Variants in HECA observed in about 807,000 individuals in gnomAD.
HECA encodes the protein HECA ribonucleoprotein granule regulator.
A neutral mutation model predicts 37.6 loss-of-function variants in HECA; 13 were observed. The observed-to-expected ratio is 0.35, with a 90% confidence interval of 0.23 to 0.55. The LOEUF (loss-of-function observed/expected upper bound fraction) is 0.55. Among genes scored for constraint, HECA ranks in the 20% least tolerant of loss-of-function variants. The pLI, the probability that HECA is intolerant of heterozygous loss-of-function variation, is 0.90. For missense variants in HECA, 527 were observed against 701.9 expected (o/e 0.75, Z 2.82); for synonymous variants, 307 against 291.5 (o/e 1.05, Z -0.54).
intron 1 of HECA, chr6:139,150,935 A>G (rs1767913355): frequency 1.3e-5 from 2 of 152,240 alleles, no homozygotes; most frequent in Admixed American, 6.5e-5. Flanking sequence ...AGTTGCTTCA[A>G]GTTAGTATAT....
At chr6:139,171,234 A>G (rs1324160953) in intron 2 of HECA, among the ~76,000 whole-genome samples, 1 of 152,206 alleles carries the variant, frequency 6.6e-6, no homozygotes. Flanking sequence ...GAAAAGAGAA[A>G]AAAAAGGAAG....
At chr6:139,172,295 C>T (rs1774985289) in intron 2 of HECA, among the ~76,000 whole-genome samples, 1 of 152,170 alleles carries the variant, frequency 6.6e-6, no homozygotes, top group Non-Finnish European at 1.5e-5. Flanking sequence ...ATTTTCAACT[C>T]CAATAGAAGG....
At chr6:139,168,894 T>G (rs1006389216) in intron 2 of HECA, among the ~76,000 whole-genome samples, 2 of 152,230 alleles carry the variant, frequency 1.3e-5, no homozygotes, top group African/African-American at 2.4e-5. Context: ...AGACATTTCT[T>G]TACTGTCTCC....
Position 139,167,198 on chromosome 6 carries a change from G to A in HECA, c.1186G>A (p.Val396Ile), listed in dbSNP as rs541841684. 4 of 1,614,180 alleles carry A rather than the reference G, an allele frequency of 2.5e-6. No homozygotes were observed. Among genetic ancestry groups the A allele is most frequent in the African/African-American group, 1.3e-5 (1 of 75,040 alleles). Reference protein sequence around the residue: ...AALSASHRNVVNCALCHRALP... With the variant: ...AALSASHRNVINCALCHRALP... ...GCTCAGTGCCAGCCACAGAAACGTG[G>A]TAAACTGTGCCCTGTGCCACCGGGC... The change falls in exon 2 of 4, where the codon GTA (valine) becomes ATA (isoleucine). Residue 396 changes from valine (V) to isoleucine (I), a missense_variant. Coordinates refer to ENST00000367658, the MANE Select transcript of HECA (RefSeq NM_016217.3).
rs1311275013 is a variant in HECA, at chr6:139,176,475, C to T, written c.1468-466C>T. ...GTGAAGATGCAGGGTGCTGGGAACT[C>T]CAGAAGCCTCAGACCAGCACCGCAC... is the stretch of plus-strand genomic sequence containing the variant. On this transcript the variant is annotated intron_variant, in intron 3 of 3. Coordinates refer to ENST00000367658, the MANE Select transcript of HECA (RefSeq NM_016217.3). This position sits in a 1 kb window ranked among gnomAD's most constrained non-coding sequence, Gnocchi z 4.5. 6.6e-6 allele frequency among the ~76,000 whole-genome samples: 1 copy of T among 152,112 alleles called. No homozygotes were observed. The highest frequency in any genetic ancestry group is 2.4e-5 in the African/African-American group (1 of 41,402).
At chr6:139,159,348 A>T (rs1774763404) in intron 1 of HECA, 1 of 152,222 alleles carries the variant, frequency 6.6e-6, no homozygotes, top group African/African-American at 2.4e-5. Flanking sequence ...AGGAATAATC[A>T]GCGATCTAAT....
intron 1 of HECA, among the ~76,000 whole-genome samples, chr6:139,136,502 C>T (rs1039914766): frequency 6.6e-6 from 1 of 152,092 alleles, no homozygotes; most frequent in Non-Finnish European, 1.5e-5. Context: ...TCTTTGAATT[C>T]CTCTAGTCAG....
At chr6:139,151,712 A>G (rs1327584173) in intron 1 of HECA, among the ~76,000 whole-genome samples, 1 of 152,208 alleles carries the variant, frequency 6.6e-6, no homozygotes, top group Non-Finnish European at 1.5e-5. Context: ...GTGCAAAAGT[A>G]ATTTGCGATT....
At chr6:139,169,780 T>C (rs544937934) in intron 2 of HECA, 3 of 152,356 alleles carry the variant, frequency 2.0e-5, no homozygotes, top group Admixed American at 1.3e-4. Context: ...AGAGTCTGTC[T>C]CTAGAGGCTT....
intron 2 of HECA, among the ~76,000 whole-genome samples, chr6:139,172,618 C>G (rs558589575): frequency 2.6e-5 from 4 of 152,240 alleles, no homozygotes; most frequent in Non-Finnish European, 5.9e-5. Flanking sequence ...TTTAGAAATT[C>G]AAAATTCTCT....
At chr6:139,170,550 A>T (rs1774957906) in intron 2 of HECA, 1 of 152,220 alleles carries the variant, frequency 6.6e-6, no homozygotes, top group South Asian at 2.1e-4. Context: ...GTGTTTGTTG[A>T]TGAGGAGGGA....
chr6:139,166,809 G>T lies in HECA; in HGVS notation c.797G>T (p.Gly266Val), dbSNP rs1032927797. 3 of 1,613,666 alleles carry T rather than the reference G, an allele frequency of 1.9e-6. No individual in the cohort carries two copies. Among genetic ancestry groups the T allele is most frequent in the Admixed American group, 3.3e-5 (2 of 59,998 alleles). The change falls in exon 2 of 4, where the codon GGT becomes GTT. Residue 266 changes from glycine to valine, a missense_variant. Coordinates refer to ENST00000367658, the MANE Select transcript of HECA (RefSeq NM_016217.3). ...GCAGCCTACGGTGCCCGTTCCCCCG[G>T]TGGCTCCCCGGGCCAGTCCCCACCC... is the stretch of plus-strand genomic sequence containing the variant. ...GAAAYGARSPGGSPGQSPPTG... is the reference protein window; with the variant it reads ...GAAAYGARSPVGSPGQSPPTG...
chr6:139,151,525 T>C (rs774924702), intron 1 of HECA, among the ~76,000 whole-genome samples: 28 of 152,318 alleles, frequency 1.8e-4, no homozygotes, highest in Non-Finnish European at 1.6e-4. Context: ...ACTGAGAGAA[T>C]GGTGTTTCTT....
In HECA at chr6:139,166,858, T is replaced by C. The variant is rs756990496; in HGVS notation, c.846T>C (p.Pro282=). Residue 282 remains proline, a synonymous_variant, in exon 2 of 4, where the codon CCT becomes CCC. Coordinates refer to ENST00000367658, the MANE Select transcript of HECA (RefSeq NM_016217.3). ...SPPTGYSILS[P]AHFSGPRSSR... The stretch of plus-strand genomic sequence containing the variant: ...CCACGGGCTACTCCATCCTCTCTCC[T>C]GCCCACTTCAGCGGCCCCCGCTCCT... 17 of 1,613,980 alleles carry C rather than the reference T, an allele frequency of 1.1e-5. No homozygotes were observed. The South Asian group carries it at 1.9e-4, about 18-fold the overall frequency.
At chr6:139,163,107 T>G (rs1774830194) in intron 1 of HECA, among the ~76,000 whole-genome samples, 1 of 152,228 alleles carries the variant, frequency 6.6e-6, no homozygotes, top group African/African-American at 2.4e-5. Flanking sequence ...CTGGGACTTT[T>G]CAGGTTTATT....
intron 1 of HECA, among the ~76,000 whole-genome samples, chr6:139,147,002 A>G (rs993231608): frequency 8.5e-5 from 13 of 152,204 alleles, no homozygotes; most frequent in Admixed American, 6.5e-4. Flanking sequence ...AGTGACAGGA[A>G]AAGTGAAGTT....
intron 1 of HECA, among the ~76,000 whole-genome samples, chr6:139,164,080 A>ACACT (rs1554218212): frequency 2.0e-4 from 30 of 148,174 alleles, no homozygotes; most frequent in South Asian, 4.3e-4. Context: ...ACACACACAC[A>ACACT]CTCTCTCTCT....
At position 139,135,631 on chromosome 6, in the gene HECA, G is replaced by C; in HGVS notation, c.235G>C (p.Ala79Pro). ...AGTGAANAAA[A>P]AGAAAAGDAK... is the part of the protein sequence containing the mutation. ...GACTGGCGCCGCGAACGCTGCGGCC[G>C]CCGCGGGGGCTGCGGCCGCGGGCGA... is the stretch of plus-strand genomic sequence containing the variant. Residue 79 changes from alanine to proline, a missense_variant, in exon 1 of 4, where the codon GCC (alanine) becomes CCC (proline). Ala to Pro is a conservative substitution (Grantham distance 27, BLOSUM62 -1). Transcript: ENST00000367658. The C allele has an allele frequency of 3.1e-6, 3 of 972,408 alleles. No individual in the cohort carries two copies. Among genetic ancestry groups the C allele is most frequent in the East Asian group, 1.1e-4 (1 of 9,342 alleles). 60.2% of individuals were successfully genotyped at this position (972,408 alleles called of 1,614,324 possible).
intron 2 of HECA, among the ~76,000 whole-genome samples, chr6:139,168,224 G>A (rs1774920876): frequency 6.6e-6 from 1 of 151,994 alleles, no homozygotes; most frequent in Non-Finnish European, 1.5e-5. Context: ...CTTTGAAGGT[G>A]GATGACTGTG....
Sources: gnomAD v4.1 joint callset for allele counts (sites outside exome capture counted in the v4.1 genomes callset) on GRCh38, gnomAD v4.1.1 for gene constraint, Gnocchi (gnomAD v3.1) non-coding constraint, MANE v1.5 for transcripts, NCBI Gene and HGNC (gene_info 2026-07-23, HGNC 2026-07-21) for gene names.